The following PHF20 variants were observed in gnomAD, a reference collection of about 807,000 sequenced individuals.
PHF20 encodes PHD finger protein 20.
PHF20 carries 23 observed loss-of-function variants against 113.5 expected under a neutral mutation model. That is an observed-to-expected ratio of 0.20 (90% CI 0.15 to 0.29). PHF20 has a LOEUF of 0.29. PHF20 is among the 10% of genes least tolerant of loss of function. PHF20 has a pLI of 1.00. For synonymous variants in PHF20, 434 were observed against 457.3 expected (o/e 0.95, Z 0.65); for missense variants, 943 against 1,219.6 (o/e 0.77, Z 3.38).
intron 17 of PHF20, among the ~76,000 whole-genome samples, chr20:35,942,563 G>T (rs575573454): frequency 6.6e-6 from 1 of 152,346 alleles, no homozygotes; most frequent in South Asian, 2.1e-4. Flanking sequence ...AATGGGCAGT[G>T]TGGCAAGGAT....
At position 35,847,323 on chromosome 20, in the gene PHF20, TC is replaced by T. The variant is rs779148965; in HGVS notation, c.256-26del. On this transcript the variant is annotated intron_variant, in intron 3 of 17. Transcript: ENST00000374012. ...CTGTGAAATTAGGTTGGTAACAGGA[TC>T]TTTTTTTTTTTTTTATGTTTTTTAG... 5.7e-6 allele frequency: 8 copies of T among 1,398,236 alleles called. No homozygotes were observed. The Admixed American group carries it at 9.0e-5, about 16-fold the overall frequency. The allele number at this position is 1,398,236 out of a possible 1,614,324, so 86.6% of individuals were successfully genotyped here.
At chr20:35,882,585 G>C (rs1366977664) in intron 9 of PHF20, among the ~76,000 whole-genome samples, 1 of 152,176 alleles carries the variant, frequency 6.6e-6, no homozygotes, top group Non-Finnish European at 1.5e-5. Context: ...GTGGCACCAA[G>C]CCTGGCTAAT....
At chr20:35,934,138 C>T (rs6060696) in intron 15 of PHF20, among the ~76,000 whole-genome samples, 39,435 of 152,072 alleles carry the variant, frequency 0.26, 6,141 homozygotes, top group African/African-American at 0.44. Context: ...TTGTGCTGAT[C>T]AGGCCTAGAG....
intron 15 of PHF20, among the ~76,000 whole-genome samples, chr20:35,937,058 A>G (rs1195003794): frequency 6.6e-6 from 1 of 152,178 alleles, no homozygotes; most frequent in African/African-American, 2.4e-5. Flanking sequence ...GGGTCCAGAA[A>G]GGCAGACCAA....
intron 4 of PHF20, among the ~76,000 whole-genome samples, chr20:35,847,923 C>T (rs79556454): frequency 0.018 from 2,737 of 152,216 alleles, 30 homozygotes; most frequent in Non-Finnish European, 0.023. Flanking sequence ...CAGAGTTGAA[C>T]ATGTGAAGAG....
chr20:35,823,519 G>A (rs890139922), intron 2 of PHF20, among the ~76,000 whole-genome samples: 2 of 150,388 alleles, frequency 1.3e-5, no homozygotes, highest in African/African-American at 4.9e-5. Context: ...AGCTACTCAG[G>A]AGGCTGGGGT....
intron 10 of PHF20, among the ~76,000 whole-genome samples, chr20:35,902,366 C>A (rs2055114027): frequency 6.6e-6 from 1 of 152,160 alleles, no homozygotes; most frequent in African/African-American, 2.4e-5. Context: ...GTGCAGCCTA[C>A]CCCAGACAGC....
At chr20:35,841,216 G>A (rs1314174981) in intron 2 of PHF20, among the ~76,000 whole-genome samples, 2 of 151,934 alleles carry the variant, frequency 1.3e-5, no homozygotes, top group African/African-American at 4.8e-5. Flanking sequence ...ATGGTGGTGT[G>A]TGCCTGTAGT....
chr20:35,880,638 A>G (rs1214413312), intron 9 of PHF20, among the ~76,000 whole-genome samples: 2 of 152,182 alleles, frequency 1.3e-5, no homozygotes, highest in African/African-American at 4.8e-5. Flanking sequence ...GCAATTTACC[A>G]TATTTACTTT....
rs750834960 is a variant in PHF20, at chr20:35,938,862, G to A, written c.2466G>A (p.Leu822=). The change falls in exon 16 of 18, where the codon CTG becomes CTA. Residue 822 remains leucine, a synonymous_variant. Coordinates refer to ENST00000374012, the MANE Select transcript of PHF20 (RefSeq NM_016436.5). ...GGGCAGTGGAGAAGCCCAGGCCCCT[G>A]GCCCTGCCCCTGCCGCGTTCTGTGG... ...LNGAVEKPRP[L]ALPLPRSVEE... 21 of 1,614,032 alleles carry A rather than the reference G, an allele frequency of 1.3e-5. No individual in the cohort carries two copies. The highest frequency in any genetic ancestry group is 6.7e-5 in the Admixed American group (4 of 60,002).
chr20:35,814,701 G>A (rs1383240110), intron 2 of PHF20, among the ~76,000 whole-genome samples: 7 of 147,022 alleles, frequency 4.8e-5, no homozygotes, highest in Admixed American at 1.4e-4. Flanking sequence ...GTGAAACCCC[G>A]TCTCTACTAA....
chr20:35,829,535 G>T (rs1405983642), intron 2 of PHF20, among the ~76,000 whole-genome samples: 1 of 151,626 alleles, frequency 6.6e-6, no homozygotes, highest in Non-Finnish European at 1.5e-5. Flanking sequence ...TAGTAGAGAT[G>T]ATGTTTCACC....
chr20:35,858,382 G>A lies in PHF20; in HGVS notation c.420+1G>A. Reference sequence around the variant, plus strand: ...TGTCAAAGCTTTTTCCAAAGATCAGGTGAGAAATGTGGTTTTGTGCTTTGT... The same window carrying A: ...TGTCAAAGCTTTTTCCAAAGATCAGATGAGAAATGTGGTTTTGTGCTTTGT... On this transcript the variant is annotated splice_donor_variant, in intron 5 of 17. Transcript: ENST00000374012. LOFTEE classifies it high-confidence loss of function. 6.5e-7 allele frequency: 1 copy of A among 1,539,198 alleles called. No homozygotes were observed. Among genetic ancestry groups the A allele is most frequent in the Non-Finnish European group, 8.9e-7 (1 of 1,117,378 alleles).
intron 12 of PHF20, 142 bp downstream of exon 12, chr20:35,914,339 T>C: frequency 1.2e-6 from 1 of 848,126 alleles, no homozygotes; most frequent in Non-Finnish European, 1.8e-6. Context: ...ATTTTCCCAG[T>C]GTTTACAAAA....
intron 2 of PHF20, among the ~76,000 whole-genome samples, chr20:35,829,360 C>A (rs1424840066): frequency 6.6e-6 from 1 of 151,944 alleles, no homozygotes; most frequent in Non-Finnish European, 1.5e-5. Context: ...TTTCTTTTTT[C>A]TTTTTTTCTT....
chr20:35,815,870 A>AAAAC (rs1219038987), intron 2 of PHF20, among the ~76,000 whole-genome samples: 1 of 152,230 alleles, frequency 6.6e-6, no homozygotes, highest in Non-Finnish European at 1.5e-5. Flanking sequence ...CTGTCTCAAA[A>AAAAC]AAACAAACAA....
chr20:35,803,773 TATC>T (rs1310305894), intron 2 of PHF20, among the ~76,000 whole-genome samples: 1 of 150,832 alleles, frequency 6.6e-6, no homozygotes, highest in Non-Finnish European at 1.5e-5. Context: ...ATATAAGTAG[TATC>T]ATACAACTTG....
At chr20:35,875,156 C>T (rs1260143388) in intron 9 of PHF20, among the ~76,000 whole-genome samples, 4 of 151,772 alleles carry the variant, frequency 2.6e-5, no homozygotes, top group Non-Finnish European at 4.4e-5. Context: ...CCAGCACTCT[C>T]GGATGCCTAG....
chr20:35,772,715 C>T (rs1174406062), intron 1 of PHF20, among the ~76,000 whole-genome samples: 1 of 151,996 alleles, frequency 6.6e-6, no homozygotes, highest in East Asian at 1.9e-4. Flanking sequence ...GAGCACATTC[C>T]TTTTTTCGGG....
Sources: gnomAD v4.1 joint callset for allele counts (sites outside exome capture counted in the v4.1 genomes callset) on GRCh38, gnomAD v4.1.1 for gene constraint, MANE v1.5 for transcripts, NCBI Gene and HGNC (gene_info 2026-07-23, HGNC 2026-07-21) for gene names.